Variants in EBF1 observed in about 807,000 individuals in gnomAD.
EBF1 encodes the protein transcription factor COE1.
A neutral mutation model predicts 68.4 loss-of-function variants in EBF1; 10 were observed. That is an observed-to-expected ratio of 0.15 (90% CI 0.09 to 0.25). The LOEUF (loss-of-function observed/expected upper bound fraction) is 0.25. Among genes scored for constraint, EBF1 ranks in the 10% least tolerant of loss-of-function variants. EBF1 has a pLI of 1.00. For missense variants in EBF1, 509 were observed against 794.4 expected (o/e 0.64, Z 4.32); for synonymous variants, 298 against 299.8 (o/e 0.99, Z 0.06).
rs143350358 is a variant in EBF1 at position 158,949,335 on chromosome 5, G to A, written c.555-109225C>T. ...ATCATTCTTCTAGTTCCTTTAAAAC[G>A]TTTTCATTATGGGCAAGGTGCAGTG... On this transcript the variant is annotated intron_variant, in intron 6 of 15. Coordinates refer to ENST00000313708, the MANE Select transcript of EBF1 (RefSeq NM_024007.5). Among the ~76,000 whole-genome samples, 71 of 152,130 alleles carry A rather than the reference G, an allele frequency of 4.7e-4. 1 individual carries two copies. The East Asian group carries it at 0.012, about 26-fold the overall frequency.
intron 6 of EBF1, among the ~76,000 whole-genome samples, chr5:159,063,892 T>C (rs752790615): frequency 2.0e-5 from 3 of 152,172 alleles, no homozygotes; most frequent in African/African-American, 7.2e-5. Flanking sequence ...AGAAGTGACT[T>C]TTCCCATTTT....
At chr5:158,737,204 G>T (rs911178561) in intron 10 of EBF1, among the ~76,000 whole-genome samples, 1 of 148,606 alleles carries the variant, frequency 6.7e-6, no homozygotes, top group African/African-American at 2.5e-5. Flanking sequence ...AGCCAACATA[G>T]GCAGAATTAA....
Position 158,920,495 on chromosome 5 carries a change from C to T in EBF1, c.555-80385G>A, listed in dbSNP as rs536794657. On this transcript the variant is annotated intron_variant, in intron 6 of 15. Transcript: ENST00000313708. ...TGCTTTGTACCTACTGGACACATGG[C>T]AGGCCTTGGTGGCCAGTGTCCACAG... 7.9e-5 allele frequency among the ~76,000 whole-genome samples: 12 copies of T among 152,328 alleles called. No individual in the cohort carries two copies. The East Asian group carries it at 2.1e-3, about 27-fold the overall frequency.
chr5:158,775,805 C>G (rs894785513), intron 10 of EBF1, among the ~76,000 whole-genome samples: 1 of 150,536 alleles, frequency 6.6e-6, no homozygotes, highest in Non-Finnish European at 1.5e-5. Flanking sequence ...CACACACACA[C>G]ACACACACAC....
chr5:158,787,801 A>G (rs1196061013), intron 9 of EBF1, among the ~76,000 whole-genome samples: 1 of 152,200 alleles, frequency 6.6e-6, no homozygotes, highest in East Asian at 1.9e-4. Flanking sequence ...ACTTGTATCA[A>G]TCAGTCAACA....
rs538362059 is a variant in EBF1, at chr5:158,774,949, T to C, written c.1036+2464A>G. On this transcript the variant is annotated intron_variant, in intron 10 of 15. Coordinates refer to ENST00000313708, the MANE Select transcript of EBF1 (RefSeq NM_024007.5). Reference sequence around the variant, plus strand: ...TTTCTTCAGATTTTTATTTTTCCGATATGGGGAGAGGTTAGAACTCTCTTC... The same window carrying C: ...TTTCTTCAGATTTTTATTTTTCCGACATGGGGAGAGGTTAGAACTCTCTTC... Among the ~76,000 whole-genome samples the C allele has an allele frequency of 5.3e-5, 8 of 149,714 alleles. No individual in the cohort carries two copies. The East Asian group carries it at 1.6e-3, about 30-fold the overall frequency.
chr5:159,086,202 G>A (rs1271689367), intron 4 of EBF1, among the ~76,000 whole-genome samples: 1 of 152,006 alleles, frequency 6.6e-6, no homozygotes, highest in Non-Finnish European at 1.5e-5. Context: ...TATTAAATTT[G>A]CTTTATTCTT....
chr5:159,019,672 A>C (rs954772837), intron 6 of EBF1, among the ~76,000 whole-genome samples: 2 of 152,266 alleles, frequency 1.3e-5, no homozygotes, highest in Non-Finnish European at 2.9e-5. Context: ...GCTTTATCGC[A>C]AAATTCAAGA....
At chr5:158,877,656 T>G (rs1358745552) in intron 6 of EBF1, among the ~76,000 whole-genome samples, 1 of 152,158 alleles carries the variant, frequency 6.6e-6, no homozygotes, top group Non-Finnish European at 1.5e-5. Flanking sequence ...GACATTTTAG[T>G]GACCCTGAGT....
chr5:158,804,451 C>CTGTAATCCA (rs1781205063), intron 8 of EBF1, among the ~76,000 whole-genome samples: 2 of 152,102 alleles, frequency 1.3e-5, no homozygotes, highest in African/African-American at 4.8e-5. Context: ...GCTGGTGCAA[C>CTGTAATCCA]AACTGTAATC....
chr5:158,824,481 C>T (rs552012020), intron 7 of EBF1, among the ~76,000 whole-genome samples: 1 of 152,350 alleles, frequency 6.6e-6, no homozygotes, highest in African/African-American at 2.4e-5. Context: ...TGAGGCGAGC[C>T]TCCAGAGCGA....
At chr5:158,747,221 T>C (rs906638444) in intron 10 of EBF1, among the ~76,000 whole-genome samples, 13 of 152,182 alleles carry the variant, frequency 8.5e-5, no homozygotes, top group African/African-American at 2.9e-4. Context: ...CCAACCCCAG[T>C]CCTCTGTGTC....
intron 4 of EBF1, 79 bp from the exon 5 acceptor site, chr5:159,084,818 A>G: frequency 1.6e-6 from 2 of 1,270,606 alleles, no homozygotes; most frequent in East Asian, 5.2e-5. Context: ...TGAGTTCTTA[A>G]CCACTTCACC....
At chr5:158,712,906 G>A in intron 13 of EBF1, 64 bp downstream of exon 13, 2 of 1,368,820 alleles carry the variant, frequency 1.5e-6, no homozygotes, top group South Asian at 2.1e-5. Context: ...AATTGTTCAT[G>A]ACCAATAAAT....
At chr5:159,095,156 G>A (rs1782360345) in intron 4 of EBF1, among the ~76,000 whole-genome samples, 1 of 152,106 alleles carries the variant, frequency 6.6e-6, no homozygotes. Context: ...ATGGTCATCT[G>A]CGCTCTCAGC....
At chr5:158,784,324 GTTCA>G (rs1777003397) in intron 9 of EBF1, among the ~76,000 whole-genome samples, 1 of 152,158 alleles carries the variant, frequency 6.6e-6, no homozygotes, top group Admixed American at 6.5e-5. Context: ...TCATATGACT[GTTCA>G]TTGTTTTTCC....
At position 158,708,010 on chromosome 5, in the gene EBF1, G is replaced by A. The variant is rs769002699; in HGVS notation, c.1713C>T (p.Thr571=). ...GGCTGTTCCCGTTGGTGCTGGTGCA[G>A]GTGGGAGGTGGGGAGGTCTGGGGTC... is the stretch of plus-strand genomic sequence containing the variant. ...VVRPQTSPPP[T]CTSTNGNSLQ... The change falls in exon 15 of 16, where the codon ACC becomes ACT. Residue 571 remains threonine (T), a synonymous_variant. Coordinates refer to ENST00000313708, the MANE Select transcript of EBF1 (RefSeq NM_024007.5). The A allele has an allele frequency of 4.5e-6, 7 of 1,550,662 alleles. No individual in the cohort carries two copies. The highest frequency in any genetic ancestry group is 5.2e-6 in the Non-Finnish European group (6 of 1,147,168).
At chr5:159,034,420 A>C (rs1227956354) in intron 6 of EBF1, among the ~76,000 whole-genome samples, 1 of 152,124 alleles carries the variant, frequency 6.6e-6, no homozygotes, top group South Asian at 2.1e-4. Context: ...TTTGTGTTTC[A>C]TAAAAGGTTG....
intron 6 of EBF1, among the ~76,000 whole-genome samples, chr5:158,849,543 G>T (rs1792197751): frequency 6.6e-6 from 1 of 152,134 alleles, no homozygotes; most frequent in Non-Finnish European, 1.5e-5. Flanking sequence ...TGTCACACTT[G>T]GTCTTCACTG....
Sources: allele counts gnomAD v4.1 joint callset (sites outside exome capture counted in the v4.1 genomes callset), GRCh38; gene constraint gnomAD v4.1.1; transcripts MANE v1.5; gene names NCBI Gene and HGNC (gene_info 2026-07-23, HGNC 2026-07-21).